The following FBXL17 variants were observed in gnomAD, a reference collection of about 807,000 sequenced individuals.
FBXL17 encodes the protein F-box and leucine rich repeat protein 17.
Under a neutral mutation model 66.2 loss-of-function variants are expected in FBXL17, and 22 were observed. That is an observed-to-expected ratio of 0.33 (90% CI 0.24 to 0.47). The LOEUF (loss-of-function observed/expected upper bound fraction) is 0.47, where lower values mean the gene tolerates loss of function less well. Ranked by LOEUF, FBXL17 falls within the 20% of genes least tolerant of loss-of-function variation. The pLI is 1.00. For missense variants in FBXL17, 878 were observed against 948.2 expected, an observed-to-expected ratio of 0.93 and a Z score of 0.97; for synonymous variants, 474 against 400.5, an observed-to-expected ratio of 1.18 and a Z score of -2.19.
At chr5:108,358,948 T>C (rs930092215) in intron 3 of FBXL17, among the ~76,000 whole-genome samples, 2 of 152,036 alleles carry the variant, frequency 1.3e-5, no homozygotes, top group East Asian at 1.9e-4. Context: ...GTGCAGTGAA[T>C]ATAGCTTCAG....
At position 107,859,823 on chromosome 5, in the gene FBXL17, T is replaced by C. The variant is rs1748074691; in HGVS notation, c.*1897A>G. The C allele has an allele frequency of 6.6e-6, 1 of 152,296 alleles. No homozygotes were observed. The highest frequency in any genetic ancestry group is 2.1e-4 in the South Asian group (1 of 4,830). 9.4% of individuals were successfully genotyped at this position (152,296 alleles called of 1,614,324 possible). A position where few individuals can be genotyped will look rare whatever the true frequency, so the allele number is the denominator to read the frequency against. On this transcript the variant is annotated 3_prime_UTR_variant, in exon 9 of 9. Coordinates refer to ENST00000542267, the MANE Select transcript of FBXL17 (RefSeq NM_001163315.3). ...TCACTCAAGCTACTATTACTATACA[T>C]ACTGTCTTATAAATTAGTTTTGGAT... is the stretch of plus-strand genomic sequence containing the variant.
chr5:108,301,897 G>T, intron 4 of FBXL17: 1 of 332,680 alleles, frequency 3.0e-6, no homozygotes, highest in Non-Finnish European at 4.3e-6. Flanking sequence ...TGATAACAAT[G>T]AAATCCAGAT....
intron 5 of FBXL17, among the ~76,000 whole-genome samples, chr5:108,186,876 A>G (rs1167089860): frequency 6.6e-6 from 1 of 152,202 alleles, no homozygotes; most frequent in Non-Finnish European, 1.5e-5. Context: ...ATATTACATT[A>G]AGTACCTACA....
At chr5:108,046,098 A>G (rs1417363570) in intron 6 of FBXL17, among the ~76,000 whole-genome samples, 1 of 152,026 alleles carries the variant, frequency 6.6e-6, no homozygotes, top group Non-Finnish European at 1.5e-5. Context: ...TCTCCTTTCA[A>G]TTTTACCAGT....
At chr5:108,152,164 G>C (rs910542391) in intron 6 of FBXL17, among the ~76,000 whole-genome samples, 2 of 152,030 alleles carry the variant, frequency 1.3e-5, no homozygotes, top group African/African-American at 4.8e-5. Context: ...AAATTTAAGG[G>C]GGTACCAAAA....
At chr5:108,099,256 T>C (rs1266650787) in intron 6 of FBXL17, among the ~76,000 whole-genome samples, 1 of 152,196 alleles carries the variant, frequency 6.6e-6, no homozygotes, top group Non-Finnish European at 1.5e-5. Context: ...TAGCTGATAA[T>C]GTGATACTGG....
At chr5:108,343,820 T>C (rs139818579) in intron 4 of FBXL17, among the ~76,000 whole-genome samples, 2 of 152,118 alleles carry the variant, frequency 1.3e-5, no homozygotes, top group Non-Finnish European at 2.9e-5. Context: ...CTAGGTGATA[T>C]TAGACATTGA....
At chr5:107,957,683 G>A (rs1034536835) in intron 7 of FBXL17, among the ~76,000 whole-genome samples, 2 of 151,968 alleles carry the variant, frequency 1.3e-5, no homozygotes, top group African/African-American at 2.4e-5. Flanking sequence ...TGGTTTGCAC[G>A]CCCAAACACT....
At chr5:107,956,591 GGGATTAAAGAAAATTTACGTT>G (rs1257545577) in intron 7 of FBXL17, among the ~76,000 whole-genome samples, 3 of 152,106 alleles carry the variant, frequency 2.0e-5, no homozygotes, top group Non-Finnish European at 4.4e-5. Context: ...AGATGTTTTA[GGGATTAAAGAAAATTTACGTT>G]AAGAGTCTGA....
At chr5:108,049,049 G>C (rs1237640322) in intron 6 of FBXL17, among the ~76,000 whole-genome samples, 1 of 152,144 alleles carries the variant, frequency 6.6e-6, no homozygotes, top group Non-Finnish European at 1.5e-5. Context: ...CAGCCAGTGA[G>C]AAAGCCCAGG....
chr5:108,163,268 A>C (rs969460809), intron 6 of FBXL17, among the ~76,000 whole-genome samples: 1 of 152,158 alleles, frequency 6.6e-6, no homozygotes, highest in Non-Finnish European at 1.5e-5. Context: ...TCATAATTCA[A>C]AGACTAAACT....
chr5:108,037,788 C>A (rs1186524743), intron 6 of FBXL17, among the ~76,000 whole-genome samples: 1 of 152,164 alleles, frequency 6.6e-6, no homozygotes, highest in Non-Finnish European at 1.5e-5. Context: ...GCCTTGGATA[C>A]ATTGGTACAT....
At chr5:108,316,642 T>C (rs1022108305) in intron 4 of FBXL17, among the ~76,000 whole-genome samples, 4 of 151,428 alleles carry the variant, frequency 2.6e-5, no homozygotes, top group Admixed American at 6.6e-5. Flanking sequence ...TGTCTATTCA[T>C]TATTATACTA....
chr5:108,062,744 T>C (rs1207701522), intron 6 of FBXL17, among the ~76,000 whole-genome samples: 5 of 152,198 alleles, frequency 3.3e-5, no homozygotes, highest in African/African-American at 9.6e-5. Context: ...CTTATTTTTC[T>C]GTCTTTTCGA....
intron 6 of FBXL17, among the ~76,000 whole-genome samples, chr5:108,024,128 C>T (rs1004822202): frequency 6.6e-6 from 1 of 152,052 alleles, no homozygotes; most frequent in African/African-American, 2.4e-5. Context: ...CTCTATGGAT[C>T]AGTAGGTTCA....
At chr5:108,150,675 A>C (rs1402979132) in intron 6 of FBXL17, among the ~76,000 whole-genome samples, 1 of 152,106 alleles carries the variant, frequency 6.6e-6, no homozygotes, top group Non-Finnish European at 1.5e-5. Context: ...GATTTGTCTG[A>C]TTGCTTCCTT....
chr5:107,989,877 C>T (rs1460972177), intron 7 of FBXL17, among the ~76,000 whole-genome samples: 1 of 152,100 alleles, frequency 6.6e-6, no homozygotes, highest in African/African-American at 2.4e-5. Context: ...GTTAATTTCT[C>T]CACCAGGTTT....
chr5:108,258,367 T>C (rs983701588), intron 4 of FBXL17, among the ~76,000 whole-genome samples: 8 of 152,176 alleles, frequency 5.3e-5, no homozygotes, highest in Admixed American at 5.2e-4. Context: ...CAGTCTATGG[T>C]ATTTCATTAT....
chr5:108,010,363 C>T (rs558419871), intron 7 of FBXL17, among the ~76,000 whole-genome samples: 49 of 152,304 alleles, frequency 3.2e-4, no homozygotes, highest in African/African-American at 1.1e-3. Flanking sequence ...CCTCTAACTT[C>T]TCCAAAAGTA....
Sources: allele counts gnomAD v4.1 joint callset (sites outside exome capture counted in the v4.1 genomes callset), GRCh38; gene constraint gnomAD v4.1.1; transcripts MANE v1.5; gene names NCBI Gene and HGNC (gene_info 2026-07-23, HGNC 2026-07-21).